CELF2: variants seen among roughly 807,000 people sequenced by gnomAD.
The protein encoded by CELF2 is CUGBP Elav-like family member 2, also known as CUG triplet repeat RNA-binding protein 2.
A neutral mutation model predicts 62.6 loss-of-function variants in CELF2; 8 were observed. That is an observed-to-expected ratio of 0.13 (90% confidence interval 0.07 to 0.23). The LOEUF (loss-of-function observed/expected upper bound fraction) is 0.23. Ranked by LOEUF, CELF2 falls within the 10% of genes least tolerant of loss-of-function variation. The pLI is 1.00. For missense variants in CELF2, 333 were observed against 671.0 expected (o/e 0.50, Z 5.56); for synonymous variants, 258 against 250.0 (o/e 1.03, Z -0.30).
At chr10:10,563,208 C>T in the CELF2 span, among the ~76,000 whole-genome samples, 11 of 152,224 alleles carry the variant, frequency 7.2e-5, no homozygotes, top group East Asian at 1.2e-3. Flanking sequence ...TCTCTACTGA[C>T]GCTGCTGCCA....
intron 8 of CELF2, among the ~76,000 whole-genome samples, chr10:11,281,490 C>T (rs187369843): frequency 1.6e-4 from 24 of 152,216 alleles, no homozygotes; most frequent in African/African-American, 4.1e-4. Context: ...CCAGGTGTGG[C>T]GGCTCACACT....
chr10:10,840,879 C>G (rs1444938650), intron 1 of CELF2, among the ~76,000 whole-genome samples: 1 of 152,008 alleles, frequency 6.6e-6, no homozygotes, highest in Non-Finnish European at 1.5e-5. Context: ...GTGTGATGTT[C>G]TCCTCCCTGT....
At chr10:10,575,727 A>G in the CELF2 span, among the ~76,000 whole-genome samples, 1 of 152,226 alleles carries the variant, frequency 6.6e-6, no homozygotes, top group Non-Finnish European at 1.5e-5. Context: ...GGTGCAGAAT[A>G]GATGATAAAA....
At chr10:10,823,094 C>T (rs186590268) in intron 1 of CELF2, among the ~76,000 whole-genome samples, 27 of 152,146 alleles carry the variant, frequency 1.8e-4, no homozygotes, top group Middle Eastern at 3.4e-3. Context: ...CTTAAAATGG[C>T]ATATGTAATT....
the CELF2 span, among the ~76,000 whole-genome samples, chr10:10,577,606 G>T: frequency 2.0e-5 from 3 of 151,024 alleles, no homozygotes; most frequent in African/African-American, 7.3e-5. Flanking sequence ...GAGAACATGC[G>T]GTGTTTGTTT....
intron 2 of CELF2, among the ~76,000 whole-genome samples, chr10:10,937,040 A>T (rs143546528): frequency 2.0e-5 from 3 of 151,886 alleles, no homozygotes; most frequent in Non-Finnish European, 4.4e-5. Flanking sequence ...TTAGGCTTCA[A>T]TTACATCTCA....
At chr10:10,474,507 GCAATACA>G in the CELF2 span, among the ~76,000 whole-genome samples, 1 of 152,018 alleles carries the variant, frequency 6.6e-6, no homozygotes, top group Admixed American at 6.6e-5. Flanking sequence ...AATGAAAGCA[GCAATACA>G]CAATCTATAA....
intron 1 of CELF2, among the ~76,000 whole-genome samples, chr10:11,142,937 G>A (rs530565104): frequency 6.7e-6 from 1 of 150,342 alleles, no homozygotes; most frequent in Admixed American, 6.6e-5. Context: ...CAGTCCCCTC[G>A]TGATTCTTCT....
rs1487399408 is a variant in CELF2 at position 11,255,419 on chromosome 10, A to G, written c.404-2319A>G. Among the ~76,000 whole-genome samples the G allele has an allele frequency of 6.6e-6, 1 of 152,138 alleles. No individual in the cohort carries two copies. Among genetic ancestry groups the G allele is most frequent in the East Asian group, 1.9e-4 (1 of 5,176 alleles). On this transcript the variant is annotated intron_variant, in intron 4 of 12. Transcript: ENST00000633077. The surrounding 1 kb of genome is among the most constrained non-coding windows in gnomAD (Gnocchi z 5.5). ...CTGCTTTCCGCCATCCACCCAAGCC[A>G]GGTCCCTACTGCCCCGCACTGTGCA...
At position 11,119,058 on chromosome 10, in the gene CELF2, C is replaced by G. The variant is rs1747713; in HGVS notation, c.75-46428C>G. Among the ~76,000 whole-genome samples, 657 of 152,260 alleles carry G rather than the reference C, an allele frequency of 4.3e-3. 7 individuals carry two copies. Among genetic ancestry groups the G allele is most frequent in the African/African-American group, 0.015 (629 of 41,538 alleles). On this transcript the variant is annotated intron_variant, in intron 1 of 12. Coordinates refer to ENST00000633077, the MANE Select transcript of CELF2 (RefSeq NM_001326342.2). ...CTCAAGCCGCCATCCAGTTGACCAG[C>G]TACATGAACAAGGCTGAAACTAGAT... is the stretch of plus-strand genomic sequence containing the variant.
At chr10:11,022,950 TTA>T (rs2138217408) in intron 1 of CELF2, among the ~76,000 whole-genome samples, 1 of 152,338 alleles carries the variant, frequency 6.6e-6, no homozygotes, top group Admixed American at 6.5e-5. Context: ...ATGGAAAATG[TTA>T]TATTTTCAAC....
At chr10:11,180,577 A>T (rs2073005090) in intron 2 of CELF2, among the ~76,000 whole-genome samples, 1 of 152,146 alleles carries the variant, frequency 6.6e-6, no homozygotes, top group Non-Finnish European at 1.5e-5. Context: ...TCTCCCAGTG[A>T]CAGCTCTGGG....
At chr10:10,482,866 A>G in the CELF2 span, among the ~76,000 whole-genome samples, 1 of 152,104 alleles carries the variant, frequency 6.6e-6, no homozygotes, top group African/African-American at 2.4e-5. Context: ...ATGACAAAGG[A>G]CGCCTCCCCT....
the CELF2 span, among the ~76,000 whole-genome samples, chr10:10,633,996 T>C: frequency 6.6e-6 from 1 of 152,102 alleles, no homozygotes; most frequent in African/African-American, 2.4e-5. Flanking sequence ...GTTATAGTTA[T>C]TTTATTAAGT....
intron 2 of CELF2, among the ~76,000 whole-genome samples, chr10:10,950,936 CA>C (rs1347661522): frequency 6.6e-6 from 1 of 152,168 alleles, no homozygotes; most frequent in East Asian, 1.9e-4. Flanking sequence ...TAAGAACAGT[CA>C]GATTTGAGCA....
In CELF2 at chr10:10,822,244, G is replaced by A. The variant is rs566470758; in HGVS notation, c.53+23427G>A. 5.3e-5 allele frequency among the ~76,000 whole-genome samples: 8 copies of A among 152,318 alleles called. No homozygotes were observed. The East Asian group carries it at 5.8e-4, about 11-fold the overall frequency. On this transcript the variant is annotated intron_variant, in intron 1 of 13. Coordinates refer to the CELF2 transcript ENST00000636488. ...GGGACCGGCCTACAGGGGCCATGCC[G>A]CCCTGTGACTTTAGCTGCTGTCTGG...
chr10:10,631,032 C>T, the CELF2 span, among the ~76,000 whole-genome samples: 1 of 152,138 alleles, frequency 6.6e-6, no homozygotes, highest in African/African-American at 2.4e-5. Flanking sequence ...TTAAGATTCT[C>T]AACTATAGTG....
At chr10:10,771,868 T>C in the CELF2 span, among the ~76,000 whole-genome samples, 1 of 152,350 alleles carries the variant, frequency 6.6e-6, no homozygotes, top group East Asian at 1.9e-4. Context: ...CCCAGTATCC[T>C]TTCCAGCTAT....
intron 1 of CELF2, among the ~76,000 whole-genome samples, chr10:10,884,892 C>T (rs2061658947): frequency 6.6e-6 from 1 of 152,224 alleles, no homozygotes; most frequent in Non-Finnish European, 1.5e-5. Context: ...TTGTGGCCTT[C>T]TCTGCCATGG....
Sources: allele counts gnomAD v4.1 joint callset (sites outside exome capture counted in the v4.1 genomes callset), GRCh38; gene constraint gnomAD v4.1.1; non-coding constraint Gnocchi (gnomAD v3.1); transcripts MANE v1.5; gene names NCBI Gene and HGNC (gene_info 2026-07-23, HGNC 2026-07-21).